CLEC17A: variants seen among roughly 807,000 people sequenced by gnomAD.
CLEC17A encodes C-type lectin domain containing 17A, also known as C-type lectin domain family 17, member A.
Under a neutral mutation model 61.3 loss-of-function variants are expected in CLEC17A, and 37 were observed. The observed-to-expected ratio is 0.60, with a 90% CI of 0.46 to 0.79. The LOEUF (loss-of-function observed/expected upper bound fraction) is 0.79. CLEC17A is among the 30% of genes least tolerant of loss of function. CLEC17A has a pLI of 0.00. For synonymous variants in CLEC17A, 168 were observed against 164.9 expected (o/e 1.02, Z -0.14); for missense variants, 418 against 464.7 (o/e 0.90, Z 0.92).
chr19:14,597,079 A>T lies in CLEC17A; in HGVS notation c.584-20A>T. 1 of 1,612,760 alleles carries T rather than the reference A, an allele frequency of 6.2e-7. No homozygotes were observed. Among genetic ancestry groups the T allele is most frequent in the Non-Finnish European group, 8.5e-7 (1 of 1,179,414 alleles). On this transcript the variant is annotated intron_variant, in intron 9 of 13. Coordinates refer to ENST00000417570, the MANE Select transcript of CLEC17A (RefSeq NM_001204118.2). ...GGGTGCACAGGAGGACCTGGGCTCA[A>T]TTTGGACTCTTCTTCATAGACCAGG...
Position 14,594,667 on chromosome 19 carries a change from C to A in CLEC17A, c.346C>A (p.Pro116Thr), listed in dbSNP as rs376222790. The A allele has an allele frequency of 9.9e-6, 16 of 1,613,974 alleles. No homozygotes were observed. In the African/African-American group the frequency reaches 2.1e-4, roughly 22 times the overall value. ...AGAGAAACCCCCACTTCCTTGCAAG[C>A]CCCGGAACATGACAGGTGAGAGCTG... ...ETEKPPLPCK[P>T]RNMTGLDLAA... The change falls in exon 6 of 14, where the codon CCC (proline) becomes ACC (threonine). Residue 116 changes from proline (P) to threonine (T), a missense_variant. By Grantham distance (38) the Pro-to-Thr change is conservative. Coordinates refer to ENST00000417570, the MANE Select transcript of CLEC17A (RefSeq NM_001204118.2).
rs529419393 is a variant in CLEC17A, at chr19:14,606,947, G to A, written c.895-46G>A. On this transcript the variant is annotated intron_variant, in intron 12 of 13. Coordinates refer to ENST00000417570, the MANE Select transcript of CLEC17A (RefSeq NM_001204118.2). ...GGCACAGGGCAGGTCCTCACCCTGA[G>A]GGTCATGTAGAGGAATGGCTGGCTG... The A allele has an allele frequency of 2.4e-5, 25 of 1,048,476 alleles. No individual in the cohort carries two copies. In the African/African-American group the frequency reaches 4.1e-4, roughly 17 times the overall value. The allele number at this position is 1,048,476 out of a possible 1,614,324, so 64.9% of individuals were successfully genotyped here.
chr19:14,602,014 G>C lies in CLEC17A; in HGVS notation c.894+1832G>C, dbSNP rs111958907. Reference sequence around the variant, plus strand: ...TCACTGTGTTAGCCAGGATGGTCTCGATCTCCTGACCTGGTGATCTGCCTG... The same window carrying C: ...TCACTGTGTTAGCCAGGATGGTCTCCATCTCCTGACCTGGTGATCTGCCTG... On this transcript the variant is annotated intron_variant, in intron 12 of 13. Transcript: ENST00000417570. 5.1e-3 allele frequency among the ~76,000 whole-genome samples: 781 copies of C among 151,960 alleles called. 6 individuals carry two copies. Among genetic ancestry groups the C allele is most frequent in the African/African-American group, 0.017 (722 of 41,472 alleles).
At chr19:14,607,439 G>A (rs375252877) in intron 13 of CLEC17A, among the ~76,000 whole-genome samples, 1,684 of 151,778 alleles carry the variant, frequency 0.011, 26 homozygotes, top group African/African-American at 0.036. Flanking sequence ...TCCTGACCTC[G>A]TGATCTGCCC....
Position 14,595,305 on chromosome 19 carries a change from A to G in CLEC17A, c.435A>G (p.Pro145=), listed in dbSNP as rs772859991. The change falls in exon 8 of 14, where the codon CCA becomes CCG. Residue 145 remains proline, a synonymous_variant. Transcript: ENST00000417570. ...AVNLEPSPLQ[P]SLAATPVPWL... ...ATCTTGAGCCTTCTCCATTGCAGCC[A>G]TCCCTGGCCGGTAAGTGTCCTCCCA... The G allele has an allele frequency of 1.8e-5, 29 of 1,613,830 alleles. No homozygotes were observed. Among genetic ancestry groups the G allele is most frequent in the Non-Finnish European group, 2.4e-5 (28 of 1,179,854 alleles).
chr19:14,594,610 C>A lies in CLEC17A; in HGVS notation c.311-22C>A, dbSNP rs762225243. 13 of 1,613,630 alleles carry A rather than the reference C, an allele frequency of 8.1e-6. No homozygotes were observed. The South Asian group carries it at 1.4e-4, about 18-fold the overall frequency. On this transcript the variant is annotated intron_variant, in intron 5 of 13. Coordinates refer to ENST00000417570, the MANE Select transcript of CLEC17A (RefSeq NM_001204118.2). ...TGGCTTTGCCCTGCTCTGGCCCTGA[C>A]CAACCATTCCTCCCTCCTCAGCAAA...
At chr19:14,588,718 G>A (rs1370341002) in intron 3 of CLEC17A, 1 of 152,136 alleles carries the variant, frequency 6.6e-6, no homozygotes, top group East Asian at 1.9e-4. Flanking sequence ...CTGCCACCAG[G>A]GACCCTGAGG....
At chr19:14,585,766 C>A (rs1284222478) in intron 2 of CLEC17A, among the ~76,000 whole-genome samples, 3 of 147,068 alleles carry the variant, frequency 2.0e-5, no homozygotes, top group Non-Finnish European at 4.5e-5. Context: ...ACTACAATCA[C>A]GCAAGAGATC....
At chr19:14,598,781 G>T (rs2074624932) in intron 10 of CLEC17A, among the ~76,000 whole-genome samples, 1 of 151,986 alleles carries the variant, frequency 6.6e-6, no homozygotes, top group Non-Finnish European at 1.5e-5. Flanking sequence ...GGCCTAGCAA[G>T]ACCTTGTTTC....
At chr19:14,596,387 T>C (rs1394860154) in intron 8 of CLEC17A, among the ~76,000 whole-genome samples, 1 of 152,120 alleles carries the variant, frequency 6.6e-6, no homozygotes, top group Non-Finnish European at 1.5e-5. Flanking sequence ...CCCAGCACTT[T>C]GGGAGGCTGA....
chr19:14,606,541 G>A (rs74182232), intron 12 of CLEC17A, among the ~76,000 whole-genome samples: 18,746 of 151,894 alleles, frequency 0.12, 1,519 homozygotes, highest in African/African-American at 0.24. Context: ...TTAGCCGGGC[G>A]TGGTGGCGGG....
intron 8 of CLEC17A, among the ~76,000 whole-genome samples, chr19:14,595,768 T>C (rs2074529197): frequency 6.6e-6 from 1 of 151,658 alleles, no homozygotes; most frequent in South Asian, 2.1e-4. Context: ...GTATTGATGA[T>C]GGTAATGATG....
chr19:14,600,993 C>T (rs1484476067), intron 12 of CLEC17A, among the ~76,000 whole-genome samples: 4 of 149,142 alleles, frequency 2.7e-5, no homozygotes, highest in South Asian at 2.1e-4. Flanking sequence ...ACCTCTGCCT[C>T]CCGGGTTCAA....
upstream of CLEC17A, among the ~76,000 whole-genome samples, chr19:14,582,314 G>A (rs2074191763): frequency 6.6e-6 from 1 of 150,850 alleles, no homozygotes; most frequent in African/African-American, 2.4e-5. Context: ...CTGGGTTCAC[G>A]CCATTCTCCT....
At chr19:14,592,191 C>T in intron 3 of CLEC17A, 90 bp from the exon 4 acceptor site, 1 of 1,378,598 alleles carries the variant, frequency 7.3e-7, no homozygotes. Flanking sequence ...TACAGAATCC[C>T]CATCATGGGG....
chr19:14,607,549 TATTATTTA>T (rs1460001701), intron 13 of CLEC17A, among the ~76,000 whole-genome samples: 3 of 127,136 alleles, frequency 2.4e-5, no homozygotes, highest in African/African-American at 9.4e-5. Flanking sequence ...TATTTTATTT[TATTATTTA>T]TTTATTTATT....
At chr19:14,583,670 T>C (rs1167310383) in intron 2 of CLEC17A, among the ~76,000 whole-genome samples, 1 of 151,380 alleles carries the variant, frequency 6.6e-6, no homozygotes, top group Non-Finnish European at 1.5e-5. Flanking sequence ...GCAAAATCCT[T>C]GGGGGACTGA....
intron 12 of CLEC17A, among the ~76,000 whole-genome samples, chr19:14,603,634 AT>A (rs370245680): frequency 0.044 from 6,336 of 145,486 alleles, 427 homozygotes; most frequent in African/African-American, 0.15. Context: ...TAAGTTTTGT[AT>A]TTTTTTTTTT....
chr19:14,610,192 G>A lies in CLEC17A; in HGVS notation c.1133G>A (p.Cys378Tyr), dbSNP rs896462597. ...TGGATTTGTGAGCGGAAATGTTCCTGTTGAAGCCCAGGGCCGAGGCTGGGG... is the reference window on the plus strand; with the variant it reads ...TGGATTTGTGAGCGGAAATGTTCCTATTGAAGCCCAGGGCCGAGGCTGGGG... ...TYWICERKCS[C>Y] The change falls in exon 14 of 14, where the codon TGT (cysteine) becomes TAT (tyrosine). Residue 378 changes from cysteine (C) to tyrosine (Y), a missense_variant. Physicochemically the swap from Cys to Tyr is radical, Grantham distance 194. Transcript: ENST00000417570. 1.3e-6 allele frequency: 2 copies of A among 1,563,312 alleles called. No individual in the cohort carries two copies. Among genetic ancestry groups the A allele is most frequent in the Non-Finnish European group, 1.7e-6 (2 of 1,153,846 alleles).
Sources: gnomAD v4.1 joint callset for allele counts (sites outside exome capture counted in the v4.1 genomes callset) on GRCh38, gnomAD v4.1.1 for gene constraint, MANE v1.5 for transcripts, NCBI Gene and HGNC (gene_info 2026-07-23, HGNC 2026-07-21) for gene names.